The following COX10 variants were observed in gnomAD, a reference collection of about 807,000 sequenced individuals.
COX10 encodes cytochrome c oxidase assembly factor heme A:farnesyltransferase COX10.
In COX10, 27 loss-of-function variants were observed where a neutral mutation model predicts 37.3. That is an observed-to-expected ratio of 0.72 (90% CI 0.53 to 1.00). The LOEUF (loss-of-function observed/expected upper bound fraction) is 1.00. COX10 is among the 50% of genes least tolerant of loss of function. COX10 has a pLI of 0.00. For synonymous variants in COX10, 222 were observed against 229.1 expected (o/e 0.97, Z 0.28); for missense variants, 475 against 563.2 (o/e 0.84, Z 1.59).
At chr17:14,078,430 A>C (rs968224082) in intron 3 of COX10, among the ~76,000 whole-genome samples, 4 of 152,170 alleles carry the variant, frequency 2.6e-5, no homozygotes, top group Non-Finnish European at 4.4e-5. Flanking sequence ...CATTTCTGTC[A>C]GTTACAGCAT....
chr17:14,094,364 A>T (rs1040762905), intron 3 of COX10, among the ~76,000 whole-genome samples: 1 of 151,850 alleles, frequency 6.6e-6, no homozygotes, highest in African/African-American at 2.4e-5. Context: ...TTACACTGAT[A>T]TATTCATTTT....
At chr17:14,167,456 A>G (rs1905324608) in intron 5 of COX10, among the ~76,000 whole-genome samples, 1 of 152,270 alleles carries the variant, frequency 6.6e-6, no homozygotes, top group Non-Finnish European at 1.5e-5. Flanking sequence ...AAATGCTATC[A>G]AATAGCACTG....
intron 2 of COX10, among the ~76,000 whole-genome samples, chr17:14,075,716 C>A (rs537164562): frequency 2.0e-5 from 3 of 152,088 alleles, no homozygotes; most frequent in Non-Finnish European, 4.4e-5. Context: ...GCCGGCCAGG[C>A]GCTGTGGCTC....
Position 14,207,232 on chromosome 17 carries a change from C to A in COX10, c.*19C>A, listed in dbSNP as rs777899213. 5 of 1,559,262 alleles carry A rather than the reference C, an allele frequency of 3.2e-6. No homozygotes were observed. The Admixed American group carries it at 7.2e-5, about 22-fold the overall frequency. The stretch of plus-strand genomic sequence containing the variant: ...CAGCTGAGAGCACTGGGACGCCCAC[C>A]GCCCCTTTCCCTCCGCTGCCAGGCG... On this transcript the variant is annotated 3_prime_UTR_variant, in exon 7 of 7. Transcript: ENST00000261643.
At chr17:14,160,591 G>T (rs1333044030) in intron 5 of COX10, among the ~76,000 whole-genome samples, 1 of 152,116 alleles carries the variant, frequency 6.6e-6, no homozygotes, top group Non-Finnish European at 1.5e-5. Context: ...CTTTCTTCAC[G>T]TTTCCAGGCA....
At chr17:14,072,822 C>T (rs1915056231) in intron 1 of COX10, among the ~76,000 whole-genome samples, 1 of 152,158 alleles carries the variant, frequency 6.6e-6, no homozygotes, top group Admixed American at 6.5e-5. Flanking sequence ...AGTCATCAAA[C>T]ATCATTTCCT....
chr17:14,083,122 C>G lies in COX10; in HGVS notation c.499+6066C>G, dbSNP rs145098828. 5.4e-4 allele frequency among the ~76,000 whole-genome samples: 82 copies of G among 152,270 alleles called. 2 individuals are homozygous for G. The highest frequency in any genetic ancestry group is 1.7e-3 in the African/African-American group (69 of 41,542). ...GCACCACAGAAAAGGGGAGCAGCCT[C>G]ACCTACACACACAGATGGAAAGGTC... On this transcript the variant is annotated intron_variant, in intron 3 of 6. Coordinates refer to ENST00000261643, the MANE Select transcript of COX10 (RefSeq NM_001303.4).
intron 4 of COX10, among the ~76,000 whole-genome samples, chr17:14,116,142 C>T (rs1056751197): frequency 1.5e-4 from 23 of 151,984 alleles, no homozygotes; most frequent in Admixed American, 1.5e-3. Flanking sequence ...GCATTAATTT[C>T]ATCTTCTTTG....
At chr17:14,081,325 G>A (rs1300412103) in intron 3 of COX10, among the ~76,000 whole-genome samples, 1 of 152,216 alleles carries the variant, frequency 6.6e-6, no homozygotes, top group Non-Finnish European at 1.5e-5. Context: ...TGGGGAAAGA[G>A]AACAAGGGAG....
chr17:14,134,767 G>T (rs1916542020), intron 4 of COX10, among the ~76,000 whole-genome samples: 1 of 150,578 alleles, frequency 6.6e-6, no homozygotes. Context: ...TAAATTAATT[G>T]CCCTCGGTGT....
chr17:14,101,113 A>T (rs1233075070), intron 3 of COX10, among the ~76,000 whole-genome samples: 1 of 152,196 alleles, frequency 6.6e-6, no homozygotes, highest in Admixed American at 6.6e-5. Flanking sequence ...TAGAGATAGA[A>T]CAGACACTAC....
rs182598500 is a variant in COX10 at position 14,194,197 on chromosome 17, G to A, written c.928+1976G>A. On this transcript the variant is annotated intron_variant, in intron 6 of 6. Coordinates refer to ENST00000261643, the MANE Select transcript of COX10 (RefSeq NM_001303.4). ...AGAACTTGGTCACCACTGTTGTGCAGTGTTGTCCTAGGGCCCAGGTTCTTG... is the reference window on the plus strand; with the variant it reads ...AGAACTTGGTCACCACTGTTGTGCAATGTTGTCCTAGGGCCCAGGTTCTTG... Among the ~76,000 whole-genome samples, 1,311 of 152,090 alleles carry A rather than the reference G, an allele frequency of 8.6e-3. 50 individuals carry two copies. In the East Asian group the frequency reaches 0.092, roughly 11 times the overall value.
At chr17:14,077,494 G>T (rs1193949314) in intron 3 of COX10, among the ~76,000 whole-genome samples, 1 of 152,128 alleles carries the variant, frequency 6.6e-6, no homozygotes, top group African/African-American at 2.4e-5. Context: ...AGAGCCTCTG[G>T]GGTTGTCACA....
intron 5 of COX10, among the ~76,000 whole-genome samples, chr17:14,167,127 T>A (rs988517356): frequency 2.0e-5 from 3 of 152,134 alleles, no homozygotes; most frequent in Non-Finnish European, 2.9e-5. Context: ...AACTCTAATG[T>A]ATGACCTTGA....
At chr17:14,178,640 G>T (rs1905760025) in intron 5 of COX10, among the ~76,000 whole-genome samples, 1 of 151,502 alleles carries the variant, frequency 6.6e-6, no homozygotes, top group South Asian at 2.1e-4. Context: ...TTGCAGCTCA[G>T]CTTCCAGCCT....
At chr17:14,077,140 A>G in intron 3 of COX10, 84 bp downstream of exon 3, 1 of 1,380,734 alleles carries the variant, frequency 7.2e-7, no homozygotes, top group Non-Finnish European at 1.0e-6. Context: ...CCACCTGAAA[A>G]GAATAATTTG....
intron 4 of COX10, among the ~76,000 whole-genome samples, chr17:14,119,595 A>G (rs1348318506): frequency 6.6e-6 from 1 of 152,198 alleles, no homozygotes; most frequent in African/African-American, 2.4e-5. Flanking sequence ...TGAATTTGTA[A>G]AAGGGATGGA....
chr17:14,117,801 A>AAG (rs1916146967), intron 4 of COX10, among the ~76,000 whole-genome samples: 1 of 152,170 alleles, frequency 6.6e-6, no homozygotes, highest in Non-Finnish European at 1.5e-5. Context: ...CCTTATCCCA[A>AAG]GGACAAAGGG....
chr17:14,096,373 T>C (rs1662366629), intron 3 of COX10, among the ~76,000 whole-genome samples: 1 of 106,496 alleles, frequency 9.4e-6, no homozygotes, highest in Admixed American at 1.6e-4. Context: ...TGTTTTTTTT[T>C]TTTTCTTTTT....
Sources: allele counts gnomAD v4.1 joint callset (sites outside exome capture counted in the v4.1 genomes callset), GRCh38; gene constraint gnomAD v4.1.1; transcripts MANE v1.5; gene names NCBI Gene and HGNC (gene_info 2026-07-23, HGNC 2026-07-21).